MBD2: variants seen among roughly 807,000 people sequenced by gnomAD.
MBD2 encodes methyl-CpG-binding domain protein 2.
A neutral mutation model predicts 39.3 loss-of-function variants in MBD2; 9 were observed. That is an observed-to-expected ratio of 0.23 (90% CI 0.14 to 0.40). MBD2 has a LOEUF of 0.40. Among genes scored for constraint, MBD2 ranks in the 10% least tolerant of loss-of-function variants. The pLI, the probability that MBD2 is intolerant of heterozygous loss-of-function variation, is 1.00. For synonymous variants in MBD2, 233 were observed against 211.1 expected (o/e 1.10, Z -0.90); for missense variants, 458 against 532.6 (o/e 0.86, Z 1.38).
At position 54,164,621 on chromosome 18, in the gene MBD2, T is replaced by A; in HGVS notation, c.1011A>T (p.Thr337=). 6.2e-7 allele frequency: 1 copy of A among 1,614,196 alleles called. No individual in the cohort carries two copies. Among genetic ancestry groups the A allele is most frequent in the Non-Finnish European group, 8.5e-7 (1 of 1,180,028 alleles). ...TTTCCACAGCAGCGGAGACTTGCCC[T>A]GTGATTGGCGCAGAGCTTGTGTGCA... ...SALHTSSAPI[T]GQVSAAVEKN... is the part of the protein sequence containing the mutation. Residue 337 remains threonine (T), a synonymous_variant, in exon 5 of 7, where the codon ACA becomes ACT. Coordinates refer to ENST00000256429, the MANE Select transcript of MBD2 (RefSeq NM_003927.5).
chr18:54,196,496 G>A (rs1476755958), intron 2 of MBD2, among the ~76,000 whole-genome samples: 1 of 152,166 alleles, frequency 6.6e-6, no homozygotes, highest in African/African-American at 2.4e-5. Context: ...ATTCTATGGC[G>A]TTAATCATCT....
intron 1 of MBD2, 145 bp from the exon 2 acceptor site, chr18:54,205,302 T>A: frequency 1.3e-6 from 1 of 749,722 alleles, no homozygotes; most frequent in Non-Finnish European, 2.1e-6. Flanking sequence ...CTAGGCGCGA[T>A]GGCTCACGCC....
chr18:54,156,517 G>C (rs1325990234), intron 6 of MBD2, among the ~76,000 whole-genome samples: 1 of 152,140 alleles, frequency 6.6e-6, no homozygotes, highest in Non-Finnish European at 1.5e-5. Context: ...ACATAAACAA[G>C]GGTATAGCCT....
intron 2 of MBD2, among the ~76,000 whole-genome samples, chr18:54,198,589 C>T (rs1436933568): frequency 6.6e-6 from 1 of 152,164 alleles, no homozygotes; most frequent in Non-Finnish European, 1.5e-5. Flanking sequence ...GTGGCCTGCA[C>T]CTGTAGTCCC....
chr18:54,163,491 G>T (rs979420870), intron 5 of MBD2, among the ~76,000 whole-genome samples: 3 of 151,942 alleles, frequency 2.0e-5, no homozygotes, highest in Non-Finnish European at 4.4e-5. Context: ...TGATATTGAG[G>T]TCATAAAACC....
chr18:54,224,272 ACGGCCGCGGCCCCGGCCC>A lies in MBD2; in HGVS notation c.270_287del (p.Gly91_Arg96del). Reference sequence around the variant, plus strand: ...CAAGGCCGCTGCCGCCACTCGGGGGACGGCCGCGGCCCCGGCCCCGGCCCCGTCCCCGTCCCCGGCCAC... The same window carrying A: ...CAAGGCCGCTGCCGCCACTCGGGGGACGGCCCCGTCCCCGTCCCCGGCCAC... On this transcript the variant is annotated inframe_deletion, in exon 1 of 7. Coordinates refer to ENST00000256429, the MANE Select transcript of MBD2 (RefSeq NM_003927.5). The A allele has an allele frequency of 1.1e-6, 1 of 931,016 alleles. No individual in the cohort carries two copies. The highest frequency in any genetic ancestry group is 1.3e-6 in the Non-Finnish European group (1 of 786,912). The allele number at this position is 931,016 out of a possible 1,614,324, so 57.7% of individuals were successfully genotyped here. A position where few individuals can be genotyped will look rare whatever the true frequency, so the allele number is the denominator to read the frequency against.
chr18:54,204,304 C>T (rs2086431981), intron 2 of MBD2, among the ~76,000 whole-genome samples: 1 of 152,194 alleles, frequency 6.6e-6, no homozygotes, highest in Admixed American at 6.5e-5. Context: ...AGGGAAAAAG[C>T]AGCTTTCTTT....
intron 1 of MBD2, chr18:54,222,287 T>C: frequency 2.1e-6 from 1 of 475,038 alleles, no homozygotes; most frequent in Non-Finnish European, 4.1e-6. Context: ...CAGAAGAAAT[T>C]GTCCCATTGA....
intron 2 of MBD2, among the ~76,000 whole-genome samples, chr18:54,189,772 C>T (rs921901989): frequency 1.3e-4 from 20 of 152,196 alleles, no homozygotes; most frequent in African/African-American, 4.8e-4. Flanking sequence ...ACCTCAGCCT[C>T]CCGAGTAGCT....
At chr18:54,203,726 CAT>C (rs937787321) in intron 2 of MBD2, among the ~76,000 whole-genome samples, 10 of 152,164 alleles carry the variant, frequency 6.6e-5, no homozygotes, top group African/African-American at 2.4e-4. Context: ...GAAAATGTAA[CAT>C]GACAAGAGGC....
Position 54,224,165 on chromosome 18 carries a change from C to T in MBD2, c.395G>A (p.Gly132Glu). The change falls in exon 1 of 7, where the codon GGG becomes GAG. Residue 132 changes from glycine (G) to glutamate (E), a missense_variant. This residue lies in a region of MBD2 where 269 missense variants were observed against 236.0 expected (regional missense o/e 1.14). Coordinates refer to ENST00000256429, the MANE Select transcript of MBD2 (RefSeq NM_003927.5). ...TCCCCTGGGCCCCGGCCCCGCGCTC[C>T]CCGACGGGAAAGGGACCGGCTCCCG... Reference protein sequence around the residue: ...PRREPVPFPSGSAGPGPRGPR... With the variant: ...PRREPVPFPSESAGPGPRGPR... 1 of 1,421,720 alleles carries T rather than the reference C, an allele frequency of 7.0e-7. No individual in the cohort carries two copies. Among genetic ancestry groups the T allele is most frequent in the Non-Finnish European group, 9.2e-7 (1 of 1,085,020 alleles). The allele number at this position is 1,421,720 out of a possible 1,614,324, so 88.1% of individuals were successfully genotyped here. A position where few individuals can be genotyped will look rare whatever the true frequency, so the allele number is the denominator to read the frequency against.
At position 54,224,636 on chromosome 18, in the gene MBD2, A is replaced by C; in HGVS notation, c.-77T>G. ...AATCCCGGAGACCCGCCCCGCCCGC[A>C]GCGCGGCGCGCGGGGGACGCGCGCA... On this transcript the variant is annotated 5_prime_UTR_variant, in exon 1 of 7. Coordinates refer to ENST00000256429, the MANE Select transcript of MBD2 (RefSeq NM_003927.5). 2 of 1,067,110 alleles carry C rather than the reference A, an allele frequency of 1.9e-6. No homozygotes were observed. Among genetic ancestry groups the C allele is most frequent in the Non-Finnish European group, 2.4e-6 (2 of 838,776 alleles). 66.1% of individuals were successfully genotyped at this position (1,067,110 alleles called of 1,614,324 possible). A position where few individuals can be genotyped will look rare whatever the true frequency, so the allele number is the denominator to read the frequency against.
chr18:54,182,469 T>C (rs1376075774), intron 3 of MBD2, among the ~76,000 whole-genome samples: 1 of 152,228 alleles, frequency 6.6e-6, no homozygotes, highest in East Asian at 1.9e-4. Context: ...ATGAATAGCA[T>C]ATGCAAAAAC....
intron 2 of MBD2, among the ~76,000 whole-genome samples, chr18:54,190,486 G>C (rs906078009): frequency 2.0e-5 from 3 of 152,174 alleles, no homozygotes; most frequent in Non-Finnish European, 4.4e-5. Flanking sequence ...TGAGTTGCTG[G>C]GAGAGGCTCT....
In MBD2 at chr18:54,224,598, A is replaced by C; in HGVS notation, c.-39T>G. ...CAGCCGGCGCTGCGCTTCTTCCGTA[A>C]CCGAGCCCTTGGAATCCCGGAGACC... On this transcript the variant is annotated 5_prime_UTR_variant, in exon 1 of 7. Transcript: ENST00000256429. The C allele has an allele frequency of 8.2e-7, 1 of 1,212,954 alleles. No individual in the cohort carries two copies. The highest frequency in any genetic ancestry group is 1.0e-6 in the Non-Finnish European group (1 of 972,206). 75.1% of individuals were successfully genotyped at this position (1,212,954 alleles called of 1,614,324 possible). A position where few individuals can be genotyped will look rare whatever the true frequency, so the allele number is the denominator to read the frequency against.
At chr18:54,208,221 G>A (rs1166147581) in intron 1 of MBD2, among the ~76,000 whole-genome samples, 2 of 151,956 alleles carry the variant, frequency 1.3e-5, no homozygotes, top group Non-Finnish European at 2.9e-5. Flanking sequence ...GGCCAGGCAC[G>A]GTGGCTCATG....
intron 2 of MBD2, among the ~76,000 whole-genome samples, chr18:54,204,297 G>GAAA (rs949209968): frequency 9.2e-5 from 14 of 152,284 alleles, no homozygotes; most frequent in African/African-American, 2.6e-4. Context: ...TGTCCCCAGG[G>GAAA]AAAAAGCAGC....
chr18:54,174,488 G>A (rs2086197866), intron 3 of MBD2, among the ~76,000 whole-genome samples: 1 of 152,154 alleles, frequency 6.6e-6, no homozygotes, highest in Non-Finnish European at 1.5e-5. Context: ...TAAATGGCTT[G>A]GAGGTGGGTG....
chr18:54,206,731 A>G (rs1449635326), intron 1 of MBD2, among the ~76,000 whole-genome samples: 2 of 150,926 alleles, frequency 1.3e-5, no homozygotes, highest in Middle Eastern at 3.4e-3. Flanking sequence ...TATAGAGTTC[A>G]GCAGGCAGAT....
Sources: gnomAD v4.1 joint callset for allele counts (sites outside exome capture counted in the v4.1 genomes callset) on GRCh38, gnomAD v4.1.1 for gene constraint, gnomAD v4.1.1 regional missense constraint, MANE v1.5 for transcripts, NCBI Gene and HGNC (gene_info 2026-07-23, HGNC 2026-07-21) for gene names.